The following CDH13 variants were observed in gnomAD, a reference collection of about 807,000 sequenced individuals.
The protein encoded by CDH13 is cadherin 13.
In CDH13, 24 loss-of-function variants were observed where a neutral mutation model predicts 63.8. The observed-to-expected ratio is 0.38, with a 90% confidence interval of 0.27 to 0.53. CDH13 has a LOEUF of 0.53. Ranked by LOEUF, CDH13 falls within the 20% of genes least tolerant of loss-of-function variation. The probability of loss-of-function intolerance (pLI) is 0.85; values close to 1 mark genes in which losing one functional copy is unlikely to be tolerated. For missense variants in CDH13, 1,049 were observed against 903.1 expected (o/e 1.16, Z -2.07); for synonymous variants, 503 against 355.3 (o/e 1.42, Z -4.67).
At chr16:83,069,270 C>A (rs1389147246) in intron 3 of CDH13, among the ~76,000 whole-genome samples, 2 of 152,212 alleles carry the variant, frequency 1.3e-5, no homozygotes, top group African/African-American at 4.8e-5. Context: ...AATCAGTATT[C>A]ATCCACAGGG....
intron 3 of CDH13, among the ~76,000 whole-genome samples, chr16:83,036,849 C>A (rs1047572518): frequency 3.3e-5 from 5 of 152,168 alleles, no homozygotes; most frequent in Admixed American, 3.3e-4. Context: ...TTAGCCTGCA[C>A]ACCCATACAC....
chr16:83,113,823 G>A (rs907578207), intron 3 of CDH13, among the ~76,000 whole-genome samples: 5 of 152,182 alleles, frequency 3.3e-5, no homozygotes, highest in Non-Finnish European at 7.3e-5. Context: ...CTGAGAAGCA[G>A]AGCCAGGAGG....
At chr16:83,659,939 A>G in intron 8 of CDH13, among the ~76,000 whole-genome samples, 1 of 152,062 alleles carries the variant, frequency 6.6e-6, no homozygotes, top group Non-Finnish European at 1.5e-5. Flanking sequence ...GGCACCCGCC[A>G]CCACACCCAG....
intron 2 of CDH13, among the ~76,000 whole-genome samples, chr16:82,972,877 A>G (rs1169694172): frequency 6.6e-6 from 1 of 152,184 alleles, no homozygotes; most frequent in African/African-American, 2.4e-5. Flanking sequence ...CCATGAAGGA[A>G]ACCAGGTCAC....
chr16:83,551,218 A>T (rs2075487864), intron 7 of CDH13, among the ~76,000 whole-genome samples: 1 of 151,980 alleles, frequency 6.6e-6, no homozygotes, highest in South Asian at 2.1e-4. Flanking sequence ...AGTAGCTGGG[A>T]TCACAGGTGT....
intron 3 of CDH13, among the ~76,000 whole-genome samples, chr16:83,079,342 T>A (rs1014162809): frequency 2.0e-5 from 3 of 152,154 alleles, no homozygotes; most frequent in Non-Finnish European, 2.9e-5. Context: ...TTCTTATTGT[T>A]CTCTGTTATG....
At chr16:83,784,029 G>A (rs16961757) in intron 13 of CDH13, among the ~76,000 whole-genome samples, 9,794 of 152,210 alleles carry the variant, frequency 0.064, 429 homozygotes, top group East Asian at 0.15. Flanking sequence ...AAGTAGTATA[G>A]ATGTGAGGAT....
chr16:83,660,589 G>A (rs1427053285), intron 8 of CDH13, among the ~76,000 whole-genome samples: 1 of 152,164 alleles, frequency 6.6e-6, no homozygotes, highest in Admixed American at 6.5e-5. Context: ...TGGTGGTTGG[G>A]AACCACTGAG....
intron 1 of CDH13, among the ~76,000 whole-genome samples, chr16:82,693,153 A>G (rs1915799117): frequency 2.0e-5 from 3 of 152,180 alleles, no homozygotes; most frequent in Non-Finnish European, 2.9e-5. Flanking sequence ...TTATCATGCC[A>G]TGGACTTTGA....
At chr16:83,458,628 C>T (rs895904227) in intron 6 of CDH13, among the ~76,000 whole-genome samples, 2 of 152,166 alleles carry the variant, frequency 1.3e-5, no homozygotes, top group African/African-American at 4.8e-5. Flanking sequence ...AGCCTTGTAA[C>T]TTATTTACTG....
At chr16:82,786,135 G>C (rs1488846415) in intron 1 of CDH13, among the ~76,000 whole-genome samples, 2 of 152,160 alleles carry the variant, frequency 1.3e-5, no homozygotes, top group African/African-American at 2.4e-5. Context: ...CAGGTGATCA[G>C]AATGAGTCAG....
At chr16:82,944,629 T>C (rs1312906995) in intron 2 of CDH13, among the ~76,000 whole-genome samples, 1 of 152,192 alleles carries the variant, frequency 6.6e-6, no homozygotes, top group East Asian at 1.9e-4. Context: ...CAGGACTGCC[T>C]ATCATAGCAG....
intron 5 of CDH13, among the ~76,000 whole-genome samples, chr16:83,314,468 G>T (rs1160482245): frequency 6.6e-6 from 1 of 152,144 alleles, no homozygotes; most frequent in Non-Finnish European, 1.5e-5. Context: ...AGCACCCTCT[G>T]TGATTTGAGG....
chr16:83,267,762 C>A (rs79489133), intron 5 of CDH13, among the ~76,000 whole-genome samples: 1 of 152,096 alleles, frequency 6.6e-6, no homozygotes, highest in Admixed American at 6.5e-5. Context: ...GGACCATGAG[C>A]CAAATAATTT....
chr16:83,395,399 G>C (rs1461911949), intron 6 of CDH13, among the ~76,000 whole-genome samples: 2 of 152,064 alleles, frequency 1.3e-5, no homozygotes, highest in South Asian at 2.1e-4. Flanking sequence ...GGGAGGTCCT[G>C]TTTGCCAGTG....
chr16:83,164,438 T>A (rs1254353570), intron 4 of CDH13, among the ~76,000 whole-genome samples: 1 of 152,024 alleles, frequency 6.6e-6, no homozygotes, highest in Non-Finnish European at 1.5e-5. Context: ...AACTAGAGTG[T>A]CTAAGCAGGT....
At chr16:82,879,051 C>A (rs16958804) in intron 2 of CDH13, among the ~76,000 whole-genome samples, 5,700 of 152,228 alleles carry the variant, frequency 0.037, 142 homozygotes, top group Middle Eastern at 0.14. Flanking sequence ...TGTGTTTCAA[C>A]TTATGGTCAG....
chr16:83,297,827 C>G (rs547592059), intron 5 of CDH13, among the ~76,000 whole-genome samples: 1 of 152,058 alleles, frequency 6.6e-6, no homozygotes, highest in African/African-American at 2.4e-5. Context: ...AGATAGACTT[C>G]TAAATGCCCG....
chr16:82,963,247 TGG>T (rs1907300620), intron 2 of CDH13, among the ~76,000 whole-genome samples: 2 of 149,366 alleles, frequency 1.3e-5, no homozygotes, highest in Non-Finnish European at 3.0e-5. Context: ...GGTGTGGTGG[TGG>T]GCACCTGTAA....
Sources: allele counts gnomAD v4.1 joint callset (sites outside exome capture counted in the v4.1 genomes callset), GRCh38; gene constraint gnomAD v4.1.1; transcripts MANE v1.5; gene names NCBI Gene and HGNC (gene_info 2026-07-23, HGNC 2026-07-21).